SENP7: variants seen among roughly 807,000 people sequenced by gnomAD.
SENP7 encodes sentrin-specific protease 7.
SENP7 carries 64 observed loss-of-function variants against 141.2 expected under a neutral mutation model. The observed-to-expected ratio is 0.45, with a 90% confidence interval of 0.37 to 0.56. The LOEUF is 0.56. Ranked by LOEUF, SENP7 falls within the 20% of genes least tolerant of loss-of-function variation. SENP7 has a pLI of 0.00. For missense variants in SENP7, 1,025 were observed against 1,212.2 expected, an observed-to-expected ratio of 0.85 and a Z score of 2.29; for synonymous variants, 382 against 426.4, an observed-to-expected ratio of 0.90 and a Z score of 1.28.
intron 6 of SENP7, among the ~76,000 whole-genome samples, chr3:101,395,595 G>A (rs1399750242): frequency 6.6e-6 from 1 of 152,130 alleles, no homozygotes; most frequent in Non-Finnish European, 1.5e-5. Flanking sequence ...TTTTCACTCA[G>A]GACTGCTTTG....
chr3:101,328,996 G>A (rs561284218), intron 20 of SENP7, among the ~76,000 whole-genome samples: 18 of 152,122 alleles, frequency 1.2e-4, no homozygotes, highest in Admixed American at 7.2e-4. Context: ...TTAATTTAAC[G>A]TGTCTTTACA....
intron 2 of SENP7, 48 bp downstream of exon 2, chr3:101,501,022 T>C: frequency 1.6e-6 from 2 of 1,228,652 alleles, no homozygotes; most frequent in Non-Finnish European, 2.3e-6. Flanking sequence ...ATACTTTCAA[T>C]ATCAGTAACT....
At chr3:101,367,542 G>A (rs2060068680) in intron 8 of SENP7, among the ~76,000 whole-genome samples, 1 of 151,926 alleles carries the variant, frequency 6.6e-6, no homozygotes, top group Non-Finnish European at 1.5e-5. Flanking sequence ...AAAAAGAAAA[G>A]TCTGAAGGAT....
intron 7 of SENP7, 84 bp from the exon 8 acceptor site, chr3:101,368,095 G>C (rs2060085554): frequency 1.0e-6 from 1 of 995,492 alleles, no homozygotes; most frequent in East Asian, 2.4e-5. Flanking sequence ...ACATCATCAG[G>C]ATTGCTATAC....
intron 4 of SENP7, chr3:101,457,420 G>A: frequency 6.5e-7 from 1 of 1,549,852 alleles, no homozygotes; most frequent in Non-Finnish European, 8.9e-7. Context: ...AAGATGTTGG[G>A]TAGCATTTCT....
intron 16 of SENP7, among the ~76,000 whole-genome samples, chr3:101,339,551 C>G (rs1202328885): frequency 6.6e-6 from 1 of 152,056 alleles, no homozygotes; most frequent in Non-Finnish European, 1.5e-5. Flanking sequence ...AACCCCATCT[C>G]TACTAAAAGT....
chr3:101,351,761 C>A, intron 11 of SENP7, 110 bp from the exon 12 acceptor site: 1 of 827,578 alleles, frequency 1.2e-6, no homozygotes, highest in Non-Finnish European at 1.6e-6. Flanking sequence ...ATTATAAGTG[C>A]TCAAGCCTTT....
chr3:101,340,486 G>T, intron 15 of SENP7: 1 of 318,384 alleles, frequency 3.1e-6, no homozygotes. Flanking sequence ...TAATCAATAG[G>T]TTTTATCTCA....
At chr3:101,333,024 C>A in intron 17 of SENP7, 162 bp from the exon 18 acceptor site, 1 of 617,830 alleles carries the variant, frequency 1.6e-6, no homozygotes, top group Non-Finnish European at 2.5e-6. Flanking sequence ...CTTATAGTAA[C>A]CCCTGGTTAT....
Position 101,423,522 on chromosome 3 carries a change from C to T in SENP7, c.285-5732G>A, listed in dbSNP as rs115071482. Among the ~76,000 whole-genome samples the T allele has an allele frequency of 5.0e-3, 756 of 152,222 alleles. 4 individuals are homozygous for T. Among genetic ancestry groups the T allele is most frequent in the African/African-American group, 0.017 (724 of 41,512 alleles). ...TCTTACAAAGTTAAAAATGCACCTA[C>T]CATATGACCCAGCAATCCAACTCCT... On this transcript the variant is annotated intron_variant, in intron 4 of 23. Coordinates refer to ENST00000394095, the MANE Select transcript of SENP7 (RefSeq NM_020654.5).
chr3:101,327,907 A>G, intron 22 of SENP7, 91 bp from the exon 23 acceptor site: 1 of 1,113,678 alleles, frequency 9.0e-7, no homozygotes, highest in Non-Finnish European at 1.3e-6. Flanking sequence ...ATTTGTTGCC[A>G]GATGTGCTGT....
chr3:101,451,432 T>C (rs919567424), intron 4 of SENP7, among the ~76,000 whole-genome samples: 3 of 152,176 alleles, frequency 2.0e-5, no homozygotes, highest in Non-Finnish European at 4.4e-5. Context: ...TTTAGACCAA[T>C]AGCCCTGATG....
At chr3:101,508,225 A>C (rs766352877) in intron 1 of SENP7, among the ~76,000 whole-genome samples, 59 of 151,890 alleles carry the variant, frequency 3.9e-4, no homozygotes, top group Non-Finnish European at 7.5e-4. Context: ...TAATCAACTC[A>C]CTCAAAACAA....
At chr3:101,348,293 TTAAA>T (rs1213029580) in intron 12 of SENP7, among the ~76,000 whole-genome samples, 2 of 152,202 alleles carry the variant, frequency 1.3e-5, no homozygotes, top group East Asian at 1.9e-4. Flanking sequence ...TAAATGACAA[TTAAA>T]TAGAGATTGA....
chr3:101,356,548 GT>G (rs2059747762), intron 11 of SENP7, among the ~76,000 whole-genome samples: 1 of 152,084 alleles, frequency 6.6e-6, no homozygotes, highest in African/African-American at 2.4e-5. Flanking sequence ...TTGTAGATTA[GT>G]TTTTATACTC....
chr3:101,370,725 T>C (rs559352734), intron 7 of SENP7, among the ~76,000 whole-genome samples: 1 of 152,310 alleles, frequency 6.6e-6, no homozygotes, highest in Admixed American at 6.5e-5. Flanking sequence ...AGAAAATAAA[T>C]GTTTTTCATT....
intron 11 of SENP7, chr3:101,359,270 A>G (rs1307614042): frequency 6.6e-6 from 1 of 152,020 alleles, no homozygotes; most frequent in Non-Finnish European, 1.5e-5. Context: ...TGGAAAAGCC[A>G]TTAATGCTAG....
intron 3 of SENP7, among the ~76,000 whole-genome samples, chr3:101,461,649 G>A (rs769247796): frequency 3.3e-5 from 5 of 149,718 alleles, no homozygotes; most frequent in Non-Finnish European, 7.4e-5. Flanking sequence ...ATTACCACAT[G>A]ACACAGCAAT....
rs1313450472 is a variant in SENP7 at position 101,348,068 on chromosome 3, A to G, written c.1658-17T>C. On this transcript the variant is annotated splice_polypyrimidine_tract_variant and intron_variant, in intron 12 of 23. Coordinates refer to ENST00000394095, the MANE Select transcript of SENP7 (RefSeq NM_020654.5). ...TCAGGGACACTGAAACAAATAAAAG[A>G]CAACAATTTAAAAAATTAATCCATT... The G allele has an allele frequency of 6.5e-7, 1 of 1,535,984 alleles. No individual in the cohort carries two copies. Among genetic ancestry groups the G allele is most frequent in the East Asian group, 2.3e-5 (1 of 43,146 alleles).
Sources: gnomAD v4.1 joint callset for allele counts (sites outside exome capture counted in the v4.1 genomes callset) on GRCh38, gnomAD v4.1.1 for gene constraint, MANE v1.5 for transcripts, NCBI Gene and HGNC (gene_info 2026-07-23, HGNC 2026-07-21) for gene names.